The following RBFOX1 variants were observed in gnomAD, a reference collection of about 807,000 sequenced individuals.
The protein encoded by RBFOX1 is RNA binding fox-1 homolog 1.
In RBFOX1, 8 loss-of-function variants were observed where a neutral mutation model predicts 57.7. That is an observed-to-expected ratio of 0.14 (90% CI 0.08 to 0.25). The LOEUF (loss-of-function observed/expected upper bound fraction) is 0.25, where lower values mean the gene tolerates loss of function less well. Ranked by LOEUF, RBFOX1 falls within the 10% of genes least tolerant of loss-of-function variation. RBFOX1 has a pLI of 1.00. For synonymous variants in RBFOX1, 326 were observed against 222.4 expected (o/e 1.47, Z -4.15); for missense variants, 611 against 548.5 (o/e 1.11, Z -1.14).
intron 2 of RBFOX1, among the ~76,000 whole-genome samples, chr16:6,560,232 A>G (rs1422921895): frequency 6.7e-6 from 1 of 150,276 alleles, no homozygotes; most frequent in Non-Finnish European, 1.5e-5. Context: ...AGTTGGGGGG[A>G]AAAACAATGA....
chr16:6,525,630 G>T (rs929911177), intron 2 of RBFOX1, among the ~76,000 whole-genome samples: 20 of 152,188 alleles, frequency 1.3e-4, no homozygotes, highest in African/African-American at 4.1e-4. Flanking sequence ...GCACCAGCAG[G>T]TCTGGTGTCT....
intron 3 of RBFOX1, among the ~76,000 whole-genome samples, chr16:6,663,845 G>A (rs1286878574): frequency 6.6e-6 from 1 of 152,224 alleles, no homozygotes; most frequent in African/African-American, 2.4e-5. Context: ...GCAGAGGAGG[G>A]AGTCTGGAGG....
chr16:7,024,799 C>A (rs376521048), intron 3 of RBFOX1, among the ~76,000 whole-genome samples: 1 of 152,218 alleles, frequency 6.6e-6, no homozygotes, highest in Non-Finnish European at 1.5e-5. Context: ...GCAATTCCCT[C>A]TGGACCCTGT....
chr16:7,593,371 C>CTT (rs1467180972), intron 7 of RBFOX1, among the ~76,000 whole-genome samples: 3 of 152,126 alleles, frequency 2.0e-5, no homozygotes, highest in African/African-American at 7.2e-5. Context: ...TAAATTCTCT[C>CTT]TTTTTTCCCT....
At chr16:7,200,144 G>A (rs2087951528) in intron 4 of RBFOX1, among the ~76,000 whole-genome samples, 1 of 152,194 alleles carries the variant, frequency 6.6e-6, no homozygotes, top group Non-Finnish European at 1.5e-5. Context: ...ATTGTTCTGG[G>A]CTACAAATTG....
intron 2 of RBFOX1, among the ~76,000 whole-genome samples, chr16:6,517,177 C>T (rs1340449131): frequency 2.0e-5 from 3 of 152,098 alleles, no homozygotes; most frequent in South Asian, 2.1e-4. Context: ...GTCCTTGGCT[C>T]GCTTCTGACA....
At chr16:6,981,910 G>T (rs2088998155) in intron 3 of RBFOX1, among the ~76,000 whole-genome samples, 1 of 152,174 alleles carries the variant, frequency 6.6e-6, no homozygotes, top group East Asian at 1.9e-4. Context: ...TAGTGCTGCA[G>T]TGAGTATACG....
intron 3 of RBFOX1, among the ~76,000 whole-genome samples, chr16:7,015,042 C>G (rs985402352): frequency 6.6e-6 from 1 of 152,178 alleles, no homozygotes; most frequent in African/African-American, 2.4e-5. Context: ...AGGTTCTATG[C>G]TTCCTGAATG....
intron 4 of RBFOX1, among the ~76,000 whole-genome samples, chr16:7,148,419 C>A (rs993978171): frequency 6.6e-6 from 1 of 152,190 alleles, no homozygotes; most frequent in African/African-American, 2.4e-5. Flanking sequence ...TTCACCTCAT[C>A]TTAAGTTCCT....
chr16:7,220,641 G>C (rs1263449482), intron 4 of RBFOX1, among the ~76,000 whole-genome samples: 2 of 152,094 alleles, frequency 1.3e-5, no homozygotes, highest in Admixed American at 1.3e-4. Context: ...TTGTTACCTG[G>C]ACTTTTGAAT....
intron 4 of RBFOX1, among the ~76,000 whole-genome samples, chr16:7,059,206 C>A (rs769942940): frequency 6.6e-6 from 1 of 152,150 alleles, no homozygotes; most frequent in Non-Finnish European, 1.5e-5. Context: ...TGTGTCTCAC[C>A]CCTCTCCACT....
At chr16:6,408,874 T>A (rs1390920794) in intron 2 of RBFOX1, among the ~76,000 whole-genome samples, 1 of 152,182 alleles carries the variant, frequency 6.6e-6, no homozygotes, top group Non-Finnish European at 1.5e-5. Context: ...CTTTTATGTT[T>A]TCTTGTAGCT....
In RBFOX1 at chr16:6,676,363, T is replaced by G. The variant is rs888230061; in HGVS notation, c.-16+21713T>G. Among the ~76,000 whole-genome samples the G allele has an allele frequency of 5.3e-5, 8 of 152,096 alleles. No individual in the cohort carries two copies. The South Asian group carries it at 6.2e-4, about 12-fold the overall frequency. ...TGGGGAGTCATGAGCTGTTTCGTTT[T>G]TACAATGGCAGCGCCTGCCCCAGTT... On this transcript the variant is annotated intron_variant, in intron 3 of 15. Transcript: ENST00000550418.
intron 4 of RBFOX1, among the ~76,000 whole-genome samples, chr16:7,222,521 A>G (rs751892976): frequency 6.6e-6 from 1 of 152,174 alleles, no homozygotes. Flanking sequence ...AGCACTCTTG[A>G]TAACAGGACC....
rs183780769 is a variant in RBFOX1 at position 7,547,160 on chromosome 16, G to C, written c.270+28771G>C. 1.3e-3 allele frequency among the ~76,000 whole-genome samples: 198 copies of C among 152,308 alleles called. 2 individuals carry two copies. The highest frequency in any genetic ancestry group is 4.3e-3 in the African/African-American group (180 of 41,572). On this transcript the variant is annotated intron_variant, in intron 5 of 15. Coordinates refer to ENST00000550418, the MANE Select transcript of RBFOX1 (RefSeq NM_018723.4). ...GGCTAACGCACAGCCCTGCATATTG[G>C]CTTTCAGCTTGATAAATACTTTCTT...
intron 2 of RBFOX1, among the ~76,000 whole-genome samples, chr16:5,584,911 A>T (rs908022759): frequency 6.6e-6 from 1 of 151,852 alleles, no homozygotes; most frequent in Admixed American, 6.6e-5. Flanking sequence ...GGTTTTATAT[A>T]TTTATTTTTA....
intron 3 of RBFOX1, among the ~76,000 whole-genome samples, chr16:5,659,437 G>A (rs1318783028): frequency 6.6e-6 from 1 of 151,596 alleles, no homozygotes; most frequent in Non-Finnish European, 1.5e-5. Context: ...CTGAGTAGCT[G>A]GGACTACAGG....
chr16:5,372,260 A>G (rs780684672), intron 1 of RBFOX1, among the ~76,000 whole-genome samples: 1 of 152,210 alleles, frequency 6.6e-6, no homozygotes, highest in Non-Finnish European at 1.5e-5. Context: ...AACAAATTGC[A>G]GAACCTGATC....
intron 3 of RBFOX1, among the ~76,000 whole-genome samples, chr16:6,882,737 C>G (rs762913056): frequency 6.6e-6 from 1 of 152,054 alleles, no homozygotes; most frequent in Non-Finnish European, 1.5e-5. Flanking sequence ...CAACGGCAAC[C>G]AAAGAGACGA....
Sources: gnomAD v4.1 joint callset for allele counts (sites outside exome capture counted in the v4.1 genomes callset) on GRCh38, gnomAD v4.1.1 for gene constraint, MANE v1.5 for transcripts, NCBI Gene and HGNC (gene_info 2026-07-23, HGNC 2026-07-21) for gene names.